The following CLASP1 variants were observed in gnomAD, a reference collection of about 807,000 sequenced individuals.
CLASP1 encodes the protein CLIP-associating protein 1.
CLASP1 carries 38 observed loss-of-function variants against 192.3 expected under a neutral mutation model. The observed-to-expected ratio is 0.20, with a 90% CI of 0.15 to 0.26. CLASP1 has a LOEUF of 0.26. CLASP1 is among the 10% of genes least tolerant of loss of function. The pLI is 1.00. For missense variants in CLASP1, 1,433 were observed against 1,932.5 expected (o/e 0.74, Z 4.85); for synonymous variants, 691 against 712.8 (o/e 0.97, Z 0.49).
At chr2:121,369,271 C>A (rs78904453) in intron 34 of CLASP1, among the ~76,000 whole-genome samples, 1,538 of 152,108 alleles carry the variant, frequency 0.01, 15 homozygotes, top group African/African-American at 0.035. Context: ...TTCTAACACC[C>A]ACAAACAAAA....
chr2:121,508,398 C>T (rs568509898), intron 7 of CLASP1, among the ~76,000 whole-genome samples: 1 of 152,240 alleles, frequency 6.6e-6, no homozygotes, highest in South Asian at 2.1e-4. Context: ...TAGTAGTACA[C>T]TAGAAAATAT....
chr2:121,359,811 C>G (rs1239600042), intron 37 of CLASP1, among the ~76,000 whole-genome samples: 1 of 152,176 alleles, frequency 6.6e-6, no homozygotes, highest in East Asian at 1.9e-4. Flanking sequence ...TGTCCAAATC[C>G]TTCATCTATC....
In CLASP1 at chr2:121,365,425, C is replaced by T. The variant is rs540350230; in HGVS notation, c.3887-141G>A. ...CCTTCACGGTTCCCCTCCCACCCTC[C>T]GCCCTGCTTCGCTGTCCGGCCTCAG... On this transcript the variant is annotated intron_variant, in intron 35 of 39. Coordinates refer to ENST00000263710, the Ensembl canonical transcript of CLASP1. The T allele has an allele frequency of 8.9e-5, 68 of 766,524 alleles. No individual in the cohort carries two copies. In the African/African-American group the frequency reaches 9.1e-4, roughly 10 times the overall value. The allele number at this position is 766,524 out of a possible 1,614,324, so 47.5% of individuals were successfully genotyped here. A position where few individuals can be genotyped will look rare whatever the true frequency, so the allele number is the denominator to read the frequency against.
In CLASP1 at chr2:121,547,779, G is replaced by A. The variant is rs1305272483; in HGVS notation, c.196-17454C>T. 2.6e-5 allele frequency among the ~76,000 whole-genome samples: 4 copies of A among 152,122 alleles called. No homozygotes were observed. The East Asian group carries it at 5.8e-4, about 22-fold the overall frequency. On this transcript the variant is annotated intron_variant, in intron 2 of 39. Transcript: ENST00000263710. ...AGTGTACCATGACCAGTATGCCTAC[G>A]TGCCACATACCAGATCACAACCCAA...
At chr2:121,582,500 A>C (rs2061309371) in intron 2 of CLASP1, among the ~76,000 whole-genome samples, 1 of 150,190 alleles carries the variant, frequency 6.7e-6, no homozygotes, top group Non-Finnish European at 1.5e-5. Context: ...GAAGGGAGGG[A>C]GAAAGAAAGA....
At position 121,477,040 on chromosome 2, in the gene CLASP1, C is replaced by T. The variant is rs183095365; in HGVS notation, c.713-7080G>A. Among the ~76,000 whole-genome samples the T allele has an allele frequency of 2.0e-3, 302 of 152,346 alleles. 1 individual carries two copies. Among genetic ancestry groups the T allele is most frequent in the African/African-American group, 6.8e-3 (283 of 41,586 alleles). On this transcript the variant is annotated intron_variant, in intron 8 of 39. Coordinates refer to ENST00000263710, the Ensembl canonical transcript of CLASP1. ...TTGAAAACACAAGTCTACTGCTAGC[C>T]TGAGATCCTGCCCGGCTCTAACTTG... is the stretch of plus-strand genomic sequence containing the variant.
chr2:121,575,783 C>T (rs1463093617), intron 2 of CLASP1, among the ~76,000 whole-genome samples: 1 of 152,140 alleles, frequency 6.6e-6, no homozygotes, highest in Admixed American at 6.5e-5. Context: ...ATAAATACAC[C>T]TAAGATAACA....
chr2:121,369,744 G>C (rs1023339532), intron 34 of CLASP1, among the ~76,000 whole-genome samples: 2 of 152,104 alleles, frequency 1.3e-5, no homozygotes, highest in African/African-American at 2.4e-5. Context: ...ACCTCTACTT[G>C]TGTTTTAAAA....
chr2:121,384,003 T>TACACAC (rs200805568), intron 32 of CLASP1, among the ~76,000 whole-genome samples: 1 of 138,218 alleles, frequency 7.2e-6, no homozygotes, highest in African/African-American at 2.8e-5. Context: ...TATATATATA[T>TACACAC]ATATACACAC....
chr2:121,592,645 T>C (rs2062544941), intron 2 of CLASP1, among the ~76,000 whole-genome samples: 1 of 151,768 alleles, frequency 6.6e-6, no homozygotes, highest in Non-Finnish European at 1.5e-5. Context: ...AATTAATAAC[T>C]GTTTTTTTTT....
At chr2:121,437,771 A>T (rs909193114) in intron 19 of CLASP1, among the ~76,000 whole-genome samples, 13 of 152,176 alleles carry the variant, frequency 8.5e-5, no homozygotes, top group African/African-American at 2.9e-4. Flanking sequence ...GTCCTGCACA[A>T]TCATCACATC....
intron 7 of CLASP1, among the ~76,000 whole-genome samples, chr2:121,509,663 C>CCTCGT (rs1387589456): frequency 6.6e-6 from 1 of 152,128 alleles, no homozygotes; most frequent in African/African-American, 2.4e-5. Context: ...TGTGGCAAAA[C>CCTCGT]CTCGTCTCTA....
At chr2:121,482,501 G>T (rs578161124) in intron 8 of CLASP1, among the ~76,000 whole-genome samples, 2 of 152,274 alleles carry the variant, frequency 1.3e-5, no homozygotes, top group South Asian at 2.1e-4. Flanking sequence ...TCTTGAAGAA[G>T]AGTATCTCTA....
At chr2:121,633,432 C>T (rs1183461762) in intron 1 of CLASP1, among the ~76,000 whole-genome samples, 1 of 137,818 alleles carries the variant, frequency 7.3e-6, no homozygotes, top group East Asian at 2.1e-4. Context: ...AGAACAATGT[C>T]TAACCCCTCC....
chr2:121,517,137 C>G (rs1409127463), intron 6 of CLASP1, among the ~76,000 whole-genome samples: 2 of 152,138 alleles, frequency 1.3e-5, no homozygotes, highest in African/African-American at 4.8e-5. Flanking sequence ...AGAAATGTAA[C>G]AAATGTTAAC....
chr2:121,495,204 T>C (rs1239676993), intron 8 of CLASP1, among the ~76,000 whole-genome samples: 1 of 151,762 alleles, frequency 6.6e-6, no homozygotes, highest in Non-Finnish European at 1.5e-5. Context: ...GTGCCTGTAC[T>C]CTCAGCTACT....
intron 2 of CLASP1, among the ~76,000 whole-genome samples, chr2:121,568,788 G>A (rs1162915149): frequency 1.3e-5 from 2 of 151,434 alleles, no homozygotes; most frequent in Admixed American, 6.6e-5. Flanking sequence ...CAAATCAGAG[G>A]AGAACTCTGT....
chr2:121,408,936 A>C, intron 24 of CLASP1: 4 of 1,012,360 alleles, frequency 4.0e-6, no homozygotes, highest in Non-Finnish European at 6.0e-6. Context: ...TTTCTATACT[A>C]CATTTTTTGG....
rs1575591565 is a variant in CLASP1, at chr2:121,515,831, C to T, written c.547-69G>A. ...CCCAGCAAGTCCTGCTGGGACACAA[C>T]AGGCCATATACCACCCCAATTTATC... is the stretch of plus-strand genomic sequence containing the variant. On this transcript the variant is annotated intron_variant, in intron 6 of 39. Coordinates refer to ENST00000263710, the Ensembl canonical transcript of CLASP1. 14 of 1,248,506 alleles carry T rather than the reference C, an allele frequency of 1.1e-5. No homozygotes were observed. In the East Asian group the frequency reaches 3.1e-4, roughly 27 times the overall value. 77.3% of individuals were successfully genotyped at this position (1,248,506 alleles called of 1,614,324 possible). A position where few individuals can be genotyped will look rare whatever the true frequency, so the allele number is the denominator to read the frequency against.
Sources: gnomAD v4.1 joint callset for allele counts (sites outside exome capture counted in the v4.1 genomes callset) on GRCh38, gnomAD v4.1.1 for gene constraint, MANE v1.5 for transcripts, NCBI Gene and HGNC (gene_info 2026-07-23, HGNC 2026-07-21) for gene names.